The following CPEB2 variants were observed in gnomAD, a reference collection of about 807,000 sequenced individuals.
The protein encoded by CPEB2 is cytoplasmic polyadenylation element binding protein 2.
In CPEB2, 56 loss-of-function variants were observed where a neutral mutation model predicts 93.6. That is an observed-to-expected ratio of 0.60 (90% confidence interval 0.48 to 0.75). The LOEUF (loss-of-function observed/expected upper bound fraction) is 0.75. Ranked by LOEUF, CPEB2 falls within the 30% of genes least tolerant of loss-of-function variation. The probability of loss-of-function intolerance (pLI) is 0.00; values close to 1 mark genes in which losing one functional copy is unlikely to be tolerated. For synonymous variants in CPEB2, 764 were observed against 586.3 expected (o/e 1.30, Z -4.38); for missense variants, 1,579 against 1,395.1 (o/e 1.13, Z -2.10).
At chr4:15,034,940 A>T (rs1402976656) in intron 5 of CPEB2, among the ~76,000 whole-genome samples, 1 of 152,198 alleles carries the variant, frequency 6.6e-6, no homozygotes, top group African/African-American at 2.4e-5. Context: ...CTATATTCTT[A>T]GCATATTGTC....
intron 4 of CPEB2, among the ~76,000 whole-genome samples, chr4:15,022,397 T>G (rs768570393): frequency 2.0e-5 from 3 of 152,132 alleles, no homozygotes. Flanking sequence ...TGAGTTTACT[T>G]TTTCTTCAGC....
Position 15,017,192 on chromosome 4 carries a change from G to A in CPEB2, c.2039G>A (p.Arg680Gln), listed in dbSNP as rs1724261750. 2 of 1,569,052 alleles carry A rather than the reference G, an allele frequency of 1.3e-6. No homozygotes were observed. Among genetic ancestry groups the A allele is most frequent in the East Asian group, 2.3e-5 (1 of 44,420 alleles). Reference protein sequence around the residue: ...AAGTSRIDQDRSRMYDSLNMH... With the variant: ...AAGTSRIDQDQSRMYDSLNMH... ...TTTTTTCCTCTTCTCTTCCAGGATC[G>A]AAGTAGAATGTATGACAGTTTGAAT... The change falls in exon 4 of 12, where the codon CGA becomes CAA. Residue 680 changes from arginine to glutamine, a missense_variant. By Grantham distance (43) the Arg-to-Gln change is conservative (BLOSUM62 1). Coordinates refer to ENST00000538197, the MANE Select transcript of CPEB2 (RefSeq NM_001177382.2).
intron 8 of CPEB2, among the ~76,000 whole-genome samples, chr4:15,055,807 C>T (rs1441552755): frequency 2.0e-5 from 3 of 152,128 alleles, no homozygotes; most frequent in Non-Finnish European, 2.9e-5. Flanking sequence ...TTGTTCTCTC[C>T]AGCCTCAGTG....
At chr4:15,015,162 T>G (rs1723975755) in intron 3 of CPEB2, among the ~76,000 whole-genome samples, 1 of 152,074 alleles carries the variant, frequency 6.6e-6, no homozygotes, top group Non-Finnish European at 1.5e-5. Context: ...ATACATACTC[T>G]CAGGTTCCAC....
intron 4 of CPEB2, among the ~76,000 whole-genome samples, chr4:15,019,214 T>C (rs929826865): frequency 6.6e-6 from 1 of 151,454 alleles, no homozygotes; most frequent in African/African-American, 2.4e-5. Context: ...CGAGAAACTT[T>C]CTCTGCATAA....
Position 15,069,414 on chromosome 4 carries a change from A to C in CPEB2, c.*3034A>C. ...ATTGCATATTTTGCAGATTTTATCC[A>C]CAGTGTCATTTTTTACTGTCAGAAA... On this transcript the variant is annotated 3_prime_UTR_variant, in exon 12 of 12. Transcript: ENST00000538197. 6.6e-6 allele frequency: 1 copy of C among 152,342 alleles called. No individual in the cohort carries two copies. Among genetic ancestry groups the C allele is most frequent in the Middle Eastern group, 3.4e-3 (1 of 294 alleles). 9.4% of individuals were successfully genotyped at this position (152,342 alleles called of 1,614,324 possible).
chr4:15,008,879 G>C (rs1207992431), intron 3 of CPEB2, among the ~76,000 whole-genome samples: 1 of 152,042 alleles, frequency 6.6e-6, no homozygotes, highest in Non-Finnish European at 1.5e-5. Context: ...ACTTCTCTTG[G>C]TTCAGTTTTT....
rs1358177576 is a variant in CPEB2 at position 15,003,561 on chromosome 4, C to T, written c.888C>T (p.Ser296=). ...PAAGEGSAAE[S]PNAGLASSTP... is the part of the protein sequence containing the mutation. ...CGGGCGAGGGCAGCGCCGCCGAGTC[C>T]CCCAATGCGGGCTTGGCCTCCTCGA... The change falls in exon 1 of 12, where the codon TCC becomes TCT. Residue 296 remains serine (S), a synonymous_variant. Coordinates refer to ENST00000538197, the MANE Select transcript of CPEB2 (RefSeq NM_001177382.2). 17 of 1,463,904 alleles carry T rather than the reference C, an allele frequency of 1.2e-5. No individual in the cohort carries two copies. The African/African-American group carries it at 2.2e-4, about 19-fold the overall frequency. The allele number at this position is 1,463,904 out of a possible 1,614,324, so 90.7% of individuals were successfully genotyped here. A position where few individuals can be genotyped will look rare whatever the true frequency, so the allele number is the denominator to read the frequency against.
chr4:15,050,678 G>A (rs950091867), intron 6 of CPEB2, among the ~76,000 whole-genome samples: 3 of 152,002 alleles, frequency 2.0e-5, no homozygotes, highest in Admixed American at 6.6e-5. Flanking sequence ...TTGCTCTTTC[G>A]TTCTTTTATT....
In CPEB2 at chr4:15,066,517, C is replaced by T. The variant is rs1729718356; in HGVS notation, c.*137C>T. ...CAGCTATCAATACATGCATCTTTAT[C>T]AGCAGCCAAAACACTACAAGCCTCT... On this transcript the variant is annotated 3_prime_UTR_variant, in exon 12 of 12. Transcript: ENST00000538197. 3.1e-6 allele frequency: 2 copies of T among 645,910 alleles called. No individual in the cohort carries two copies. Among genetic ancestry groups the T allele is most frequent in the Non-Finnish European group, 5.4e-6 (2 of 370,204 alleles). The allele number at this position is 645,910 out of a possible 1,614,324, so 40.0% of individuals were successfully genotyped here. A position where few individuals can be genotyped will look rare whatever the true frequency, so the allele number is the denominator to read the frequency against.
chr4:15,012,669 T>C (rs937004890), intron 3 of CPEB2, among the ~76,000 whole-genome samples: 1 of 152,110 alleles, frequency 6.6e-6, no homozygotes, highest in Non-Finnish European at 1.5e-5. Flanking sequence ...AATATCTACT[T>C]AAAATTAAGG....
In CPEB2 at chr4:15,003,086, A is replaced by C; in HGVS notation, c.413A>C (p.Gln138Pro). ...IAGVTHLLPS[Q>P]DFKPSLHHPS... ...GGTGTGACCCACCTCCTCCCCTCCC[A>C]GGACTTCAAACCGAGTCTGCACCAC... is the stretch of plus-strand genomic sequence containing the variant. The change falls in exon 1 of 12, where the codon CAG (glutamine) becomes CCG (proline). Residue 138 changes from glutamine (Q) to proline (P), a missense_variant. Physicochemically the swap from Gln to Pro is moderately conservative, Grantham distance 76 (BLOSUM62 -1). Transcript: ENST00000538197. 1 of 1,530,280 alleles carries C rather than the reference A, an allele frequency of 6.5e-7. No homozygotes were observed. Among genetic ancestry groups the C allele is most frequent in the Non-Finnish European group, 8.7e-7 (1 of 1,145,148 alleles). The allele number at this position is 1,530,280 out of a possible 1,614,324, so 94.8% of individuals were successfully genotyped here.
At chr4:15,054,625 A>G (rs879771906) in intron 8 of CPEB2, among the ~76,000 whole-genome samples, 5 of 152,108 alleles carry the variant, frequency 3.3e-5, no homozygotes, top group Non-Finnish European at 7.4e-5. Flanking sequence ...TTTCAATTAT[A>G]TAAAGATGTA....
chr4:15,039,742 A>G (rs1358975429), intron 5 of CPEB2, among the ~76,000 whole-genome samples: 1 of 152,132 alleles, frequency 6.6e-6, no homozygotes, highest in Non-Finnish European at 1.5e-5. Context: ...TATTTAACAT[A>G]TGTACTATTC....
rs1466410050 is a variant in CPEB2, at chr4:15,004,223, C to T, written c.1550C>T (p.Ala517Val). The T allele has an allele frequency of 1.2e-5, 18 of 1,492,924 alleles. No individual in the cohort carries two copies. Among genetic ancestry groups the T allele is most frequent in the Non-Finnish European group, 1.4e-5 (16 of 1,128,050 alleles). 92.5% of individuals were successfully genotyped at this position (1,492,924 alleles called of 1,614,324 possible). A position where few individuals can be genotyped will look rare whatever the true frequency, so the allele number is the denominator to read the frequency against. The change falls in exon 1 of 12, where the codon GCG becomes GTG. Residue 517 changes from alanine to valine, a missense_variant. Around this residue, in one of 2 missense-constraint regions of CPEB2, gnomAD observed 1,411 missense variants for 1,056.0 expected, o/e 1.34. Coordinates refer to ENST00000538197, the MANE Select transcript of CPEB2 (RefSeq NM_001177382.2). Reference protein sequence around the residue: ...IPQQQPPPPAAPQQPQSRRSP... With the variant: ...IPQQQPPPPAVPQQPQSRRSP... ...CAACAGCAGCCCCCGCCGCCCGCGG[C>T]GCCGCAGCAGCCGCAGAGCCGGAGG...
At chr4:15,059,840 A>G (rs1729031634) in intron 10 of CPEB2, among the ~76,000 whole-genome samples, 1 of 152,144 alleles carries the variant, frequency 6.6e-6, no homozygotes, top group African/African-American at 2.4e-5. Flanking sequence ...GGTACTGTGC[A>G]CCATGTGTAG....
chr4:15,052,293 T>G, intron 6 of CPEB2, 121 bp from the exon 7 acceptor site: 1 of 629,790 alleles, frequency 1.6e-6, no homozygotes, highest in Non-Finnish European at 2.5e-6. Context: ...TTCTCTTAAT[T>G]TTTATGTTCA....
intron 4 of CPEB2, among the ~76,000 whole-genome samples, chr4:15,020,393 T>C (rs370611156): frequency 3.3e-5 from 5 of 152,004 alleles, no homozygotes; most frequent in African/African-American, 1.2e-4. Flanking sequence ...AGACTGTCAA[T>C]TGGAAGAAAG....
At chr4:15,037,219 G>A (rs965948388) in intron 5 of CPEB2, among the ~76,000 whole-genome samples, 45 of 151,818 alleles carry the variant, frequency 3.0e-4, no homozygotes, top group African/African-American at 1.1e-3. Flanking sequence ...GGAGAGTGGC[G>A]TGAACCCCGG....
Sources: allele counts gnomAD v4.1 joint callset (sites outside exome capture counted in the v4.1 genomes callset), GRCh38; gene constraint gnomAD v4.1.1; regional missense constraint gnomAD v4.1.1; transcripts MANE v1.5; gene names NCBI Gene and HGNC (gene_info 2026-07-23, HGNC 2026-07-21).